Variants in SORCS1 observed in about 807,000 individuals in gnomAD.
SORCS1 encodes the protein sortilin related VPS10 domain containing receptor 1, also known as VPS10 domain-containing receptor SorCS1.
A neutral mutation model predicts 146.1 loss-of-function variants in SORCS1; 60 were observed. That is an observed-to-expected ratio of 0.41 (90% CI 0.33 to 0.51). The LOEUF is 0.51. Among genes scored for constraint, SORCS1 ranks in the 20% least tolerant of loss-of-function variants. The pLI is 0.21. For synonymous variants in SORCS1, 637 were observed against 584.0 expected, an observed-to-expected ratio of 1.09 and a Z score of -1.31; for missense variants, 1,352 against 1,487.6, an observed-to-expected ratio of 0.91 and a Z score of 1.50.
chr10:106,804,178 A>T (rs1423798208), intron 3 of SORCS1, among the ~76,000 whole-genome samples: 4 of 152,120 alleles, frequency 2.6e-5, no homozygotes, highest in African/African-American at 9.6e-5. Flanking sequence ...AAATGAGGAG[A>T]GTGTGCTTGG....
intron 1 of SORCS1, among the ~76,000 whole-genome samples, chr10:106,994,286 G>A (rs79749720): frequency 0.031 from 4,701 of 152,042 alleles, 117 homozygotes; most frequent in Non-Finnish European, 0.041. Context: ...ACTACAGCAC[G>A]ACAAAAATCT....
At chr10:106,737,084 A>G (rs2756246) in intron 5 of SORCS1, among the ~76,000 whole-genome samples, 118,435 of 151,394 alleles carry the variant, frequency 0.78, 47,175 homozygotes, top group Non-Finnish European at 0.87. Context: ...TGTAGGTGTC[A>G]GGGAGCAAAG....
intron 1 of SORCS1, among the ~76,000 whole-genome samples, chr10:107,025,779 C>A (rs969366939): frequency 6.6e-6 from 1 of 152,158 alleles, no homozygotes; most frequent in Non-Finnish European, 1.5e-5. Context: ...GCAGTAGGAA[C>A]CACGGGAGTC....
At chr10:107,154,194 G>A (rs915059860) in intron 1 of SORCS1, among the ~76,000 whole-genome samples, 2 of 151,488 alleles carry the variant, frequency 1.3e-5, no homozygotes, top group Non-Finnish European at 1.5e-5. Context: ...ATAGAGATGG[G>A]GTTTCTCCAT....
intron 2 of SORCS1, among the ~76,000 whole-genome samples, chr10:106,894,010 A>C (rs1321428417): frequency 6.6e-6 from 1 of 152,178 alleles, no homozygotes; most frequent in Non-Finnish European, 1.5e-5. Context: ...TCTCCCTGAC[A>C]TATGGAGCTT....
chr10:106,608,969 G>T (rs560411021), intron 22 of SORCS1, among the ~76,000 whole-genome samples: 1 of 152,264 alleles, frequency 6.6e-6, no homozygotes, highest in East Asian at 1.9e-4. Context: ...GACACGACTT[G>T]GAACCCAGCT....
intron 1 of SORCS1, among the ~76,000 whole-genome samples, chr10:106,974,238 G>C (rs1955904209): frequency 2.0e-5 from 3 of 152,058 alleles, no homozygotes; most frequent in Non-Finnish European, 4.4e-5. Flanking sequence ...TTGATCCTTG[G>C]GGTCTTCAGA....
chr10:107,003,388 T>C (rs1453340171), intron 1 of SORCS1, among the ~76,000 whole-genome samples: 1 of 151,974 alleles, frequency 6.6e-6, no homozygotes, highest in Non-Finnish European at 1.5e-5. Flanking sequence ...AGCCAAAGTA[T>C]GCATGTGTTG....
At chr10:107,038,702 GGGA>G in intron 1 of SORCS1, among the ~76,000 whole-genome samples, 1 of 150,768 alleles carries the variant, frequency 6.6e-6, no homozygotes, top group African/African-American at 2.4e-5. Flanking sequence ...GGGGCGGGGG[GGGA>G]GGTGGTAGTG....
intron 17 of SORCS1, among the ~76,000 whole-genome samples, chr10:106,665,623 C>T (rs1467473099): frequency 1.3e-5 from 2 of 152,072 alleles, no homozygotes; most frequent in Non-Finnish European, 2.9e-5. Context: ...ATTATCAATA[C>T]TTATCTGCTT....
intron 17 of SORCS1, among the ~76,000 whole-genome samples, chr10:106,658,720 T>C (rs1310646180): frequency 6.6e-6 from 1 of 152,196 alleles, no homozygotes; most frequent in Non-Finnish European, 1.5e-5. Flanking sequence ...ATATGTGTTA[T>C]GTTCATGTGT....
intron 2 of SORCS1, among the ~76,000 whole-genome samples, chr10:106,841,876 A>T (rs950648482): frequency 1.3e-5 from 2 of 152,240 alleles, no homozygotes; most frequent in African/African-American, 4.8e-5. Context: ...TTATAAATAA[A>T]ACTTCTATAA....
the SORCS1 span, among the ~76,000 whole-genome samples, chr10:107,176,276 C>G: frequency 6.7e-6 from 1 of 150,068 alleles, no homozygotes; most frequent in African/African-American, 2.5e-5. Flanking sequence ...CTCTTTCTTT[C>G]TTCCTTCTTT....
chr10:106,832,731 A>G (rs2137039215), intron 2 of SORCS1, among the ~76,000 whole-genome samples: 1 of 152,322 alleles, frequency 6.6e-6, no homozygotes, highest in Admixed American at 6.5e-5. Flanking sequence ...ATACTGCTAT[A>G]TTAATAAATT....
At chr10:107,126,607 A>G (rs1966727038) in intron 1 of SORCS1, among the ~76,000 whole-genome samples, 1 of 152,068 alleles carries the variant, frequency 6.6e-6, no homozygotes, top group Non-Finnish European at 1.5e-5. Context: ...CTCGTTAGGA[A>G]CCTTTCTCTG....
At chr10:107,136,218 G>A (rs1188129808) in intron 1 of SORCS1, among the ~76,000 whole-genome samples, 3 of 152,142 alleles carry the variant, frequency 2.0e-5, no homozygotes, top group Non-Finnish European at 2.9e-5. Context: ...TTAGGAGGAC[G>A]TTTTTCACCA....
rs75921582 is a variant in SORCS1 at position 106,698,350 on chromosome 10, T to A, written c.1413+864A>T. ...GACAGTGTCATTATGACTGTACATA[T>A]CTGAATCCATTTTAGATTTTTTTCA... is the stretch of plus-strand genomic sequence containing the variant. On this transcript the variant is annotated intron_variant, in intron 9 of 25. Coordinates refer to ENST00000263054, the MANE Select transcript of SORCS1 (RefSeq NM_052918.5). Among the ~76,000 whole-genome samples, 20 of 152,356 alleles carry A rather than the reference T, an allele frequency of 1.3e-4. No homozygotes were observed. The South Asian group carries it at 4.1e-3, about 32-fold the overall frequency.
intron 2 of SORCS1, among the ~76,000 whole-genome samples, chr10:106,900,557 G>A (rs967015514): frequency 6.6e-6 from 1 of 152,030 alleles, no homozygotes; most frequent in African/African-American, 2.4e-5. Context: ...ACTCAGAGGT[G>A]TGCTCTACAC....
chr10:106,903,384 A>G (rs1443744318), intron 2 of SORCS1, among the ~76,000 whole-genome samples: 1 of 152,200 alleles, frequency 6.6e-6, no homozygotes, highest in Non-Finnish European at 1.5e-5. Context: ...ACTGAGAAAA[A>G]AGAGGTTTAC....
Sources: allele counts gnomAD v4.1 joint callset (sites outside exome capture counted in the v4.1 genomes callset), GRCh38; gene constraint gnomAD v4.1.1; transcripts MANE v1.5; gene names NCBI Gene and HGNC (gene_info 2026-07-23, HGNC 2026-07-21).